The following ZNF536 variants were observed in gnomAD, a reference collection of about 807,000 sequenced individuals.
ZNF536 encodes the protein zinc finger protein 536.
ZNF536 carries 13 observed loss-of-function variants against 84.5 expected under a neutral mutation model. That is an observed-to-expected ratio of 0.15 (90% CI 0.10 to 0.24). The LOEUF (loss-of-function observed/expected upper bound fraction) is 0.24. ZNF536 is among the 10% of genes least tolerant of loss of function. ZNF536 has a pLI of 1.00. For synonymous variants in ZNF536, 811 were observed against 742.5 expected, an observed-to-expected ratio of 1.09 and a Z score of -1.50; for missense variants, 1,536 against 1,747.5, an observed-to-expected ratio of 0.88 and a Z score of 2.16.
chr19:30,653,059 G>T (rs2049769622), intron 1 of ZNF536, among the ~76,000 whole-genome samples: 1 of 152,228 alleles, frequency 6.6e-6, no homozygotes, highest in Admixed American at 6.5e-5. Flanking sequence ...GATTAAACAT[G>T]AGGGAAGGTG....
chr19:30,250,391 C>T (rs1251523827), intron 1 of ZNF536, among the ~76,000 whole-genome samples: 1 of 152,196 alleles, frequency 6.6e-6, no homozygotes, highest in East Asian at 1.9e-4. Flanking sequence ...TGTGGTGACA[C>T]ATGCAGGCTG....
At chr19:30,385,681 G>C (rs891108613) in intron 1 of ZNF536, among the ~76,000 whole-genome samples, 3 of 152,160 alleles carry the variant, frequency 2.0e-5, no homozygotes, top group African/African-American at 7.2e-5. Flanking sequence ...GTCCACCCCT[G>C]CGTCTTGGCT....
chr19:30,469,180 C>A (rs184616068), intron 2 of ZNF536, among the ~76,000 whole-genome samples: 1 of 152,092 alleles, frequency 6.6e-6, no homozygotes, highest in African/African-American at 2.4e-5. Context: ...TTTGGGAGGC[C>A]GAGGCAGGTG....
At chr19:30,417,158 T>A (rs11666396) in intron 1 of ZNF536, among the ~76,000 whole-genome samples, 2 of 58,264 alleles carry the variant, frequency 3.4e-5, no homozygotes, top group Non-Finnish European at 7.8e-5. Flanking sequence ...ATTTTTTTTT[T>A]TTTTTTTTTT....
chr19:30,298,634 G>A (rs997026191), intron 2 of ZNF536, among the ~76,000 whole-genome samples: 3 of 152,214 alleles, frequency 2.0e-5, no homozygotes, highest in Non-Finnish European at 2.9e-5. Context: ...ACATTATAGC[G>A]ATGGTTTCAG....
At chr19:30,399,290 A>T (rs1217511671) in intron 1 of ZNF536, among the ~76,000 whole-genome samples, 1 of 151,904 alleles carries the variant, frequency 6.6e-6, no homozygotes, top group Non-Finnish European at 1.5e-5. Context: ...ATTTTGTTTA[A>T]GTTCTTTGTA....
chr19:30,597,406 A>T (rs949283681), intron 1 of ZNF536, among the ~76,000 whole-genome samples: 1 of 152,234 alleles, frequency 6.6e-6, no homozygotes, highest in Non-Finnish European at 1.5e-5. Flanking sequence ...AATAGCACCC[A>T]CCTGGCAGGG....
chr19:30,495,452 A>AGG (rs2054679130), intron 2 of ZNF536, among the ~76,000 whole-genome samples: 1 of 152,194 alleles, frequency 6.6e-6, no homozygotes, highest in African/African-American at 2.4e-5. Flanking sequence ...GGAAAGGAAA[A>AGG]TGGGGAAGGA....
At chr19:30,708,545 G>A (rs1159536309) in intron 1 of ZNF536, among the ~76,000 whole-genome samples, 4 of 152,146 alleles carry the variant, frequency 2.6e-5, no homozygotes, top group Admixed American at 6.6e-5. Context: ...ACAGGCTGGC[G>A]GTGGGAAACT....
intron 2 of ZNF536, among the ~76,000 whole-genome samples, chr19:30,482,411 G>C (rs1349484867): frequency 6.6e-6 from 1 of 152,170 alleles, no homozygotes; most frequent in Non-Finnish European, 1.5e-5. Context: ...GTCTGGATTT[G>C]AGCCGGTCTG....
chr19:30,647,669 T>C (rs1286717410), intron 1 of ZNF536, among the ~76,000 whole-genome samples: 1 of 152,242 alleles, frequency 6.6e-6, no homozygotes, highest in Admixed American at 6.5e-5. Context: ...TATGCCTCCT[T>C]GTGTTTTTTA....
rs77476823 is a variant in ZNF536, at chr19:30,417,637, A to T, written c.-2-25924A>T. Among the ~76,000 whole-genome samples, 22 of 152,370 alleles carry T rather than the reference A, an allele frequency of 1.4e-4. No homozygotes were observed. In the East Asian group the frequency reaches 4.2e-3, roughly 29 times the overall value. ...TTTAATTTTCTTTGCTAATTGCATT[A>T]GTTAGAACTTCCATAACAATATTTA... On this transcript the variant is annotated intron_variant, in intron 1 of 4. Transcript: ENST00000355537.
intron 2 of ZNF536, among the ~76,000 whole-genome samples, chr19:30,519,336 G>A (rs1224216889): frequency 2.0e-5 from 3 of 152,220 alleles, no homozygotes; most frequent in African/African-American, 7.2e-5. Flanking sequence ...TGTGGCAGGA[G>A]GGACTGGAAG....
intron 1 of ZNF536, among the ~76,000 whole-genome samples, chr19:30,601,845 C>G (rs150228455): frequency 6.6e-6 from 1 of 152,170 alleles, no homozygotes; most frequent in Non-Finnish European, 1.5e-5. Context: ...GTGGTGGCAC[C>G]GTGGCTAGGA....
chr19:30,563,353 C>T (rs948076572), intron 1 of ZNF536, among the ~76,000 whole-genome samples: 2 of 152,186 alleles, frequency 1.3e-5, no homozygotes, highest in Non-Finnish European at 2.9e-5. Context: ...GATGGACAGA[C>T]ACACCCCCAT....
intron 1 of ZNF536, among the ~76,000 whole-genome samples, chr19:30,379,341 G>A (rs76440746): frequency 0.034 from 5,218 of 152,126 alleles, 120 homozygotes; most frequent in Non-Finnish European, 0.047. Context: ...TGCCCGGCAT[G>A]ATGACAGTGA....
chr19:30,644,329 G>A (rs1246558101), intron 1 of ZNF536, among the ~76,000 whole-genome samples: 1 of 151,822 alleles, frequency 6.6e-6, no homozygotes, highest in Non-Finnish European at 1.5e-5. Context: ...CGTCTCCAGA[G>A]TTAAAATGGA....
intron 1 of ZNF536, among the ~76,000 whole-genome samples, chr19:30,615,453 G>GTTCA (rs1342515769): frequency 6.6e-6 from 1 of 151,852 alleles, no homozygotes; most frequent in Non-Finnish European, 1.5e-5. Context: ...GTTTACCCTA[G>GTTCA]TTCAGTATGC....
At position 30,557,750 on chromosome 19, in the gene ZNF536, G is replaced by C. The variant is rs956778889; in HGVS notation, c.*586G>C. 7 of 152,492 alleles carry C rather than the reference G, an allele frequency of 4.6e-5. No homozygotes were observed. Among genetic ancestry groups the C allele is most frequent in the Non-Finnish European group, 7.3e-5 (5 of 68,058 alleles). 9.4% of individuals were successfully genotyped at this position (152,492 alleles called of 1,614,324 possible). A position where few individuals can be genotyped will look rare whatever the true frequency, so the allele number is the denominator to read the frequency against. On this transcript the variant is annotated 3_prime_UTR_variant, in exon 5 of 5. Transcript: ENST00000355537. ...GATGACAGTAAAATTTCAGTGAATA[G>C]CACCTTGACATCTACAACTTAAAAA...
Sources: allele counts gnomAD v4.1 joint callset (sites outside exome capture counted in the v4.1 genomes callset), GRCh38; gene constraint gnomAD v4.1.1; transcripts MANE v1.5; gene names NCBI Gene and HGNC (gene_info 2026-07-23, HGNC 2026-07-21).